NACC2: variants seen among roughly 807,000 people sequenced by gnomAD.
The protein encoded by NACC2 is nucleus accumbens-associated protein 2.
Under a neutral mutation model 25.1 loss-of-function variants are expected in NACC2, and 8 were observed. That is an observed-to-expected ratio of 0.32 (90% CI 0.19 to 0.57). The LOEUF is 0.57. Among genes scored for constraint, NACC2 ranks in the 20% least tolerant of loss-of-function variants. NACC2 has a pLI of 0.89. For missense variants in NACC2, 644 were observed against 650.2 expected (o/e 0.99, Z 0.10); for synonymous variants, 435 against 294.7 (o/e 1.48, Z -4.88).
intron 2 of NACC2, among the ~76,000 whole-genome samples, chr9:136,045,652 C>T (rs1448288726): frequency 3.3e-5 from 5 of 152,178 alleles, no homozygotes; most frequent in Admixed American, 1.3e-4. Context: ...CTTCCCTCTG[C>T]GAGCTCCATT....
In NACC2 at chr9:136,059,802, C is replaced by T. The variant is rs150369320; in HGVS notation, c.-59-9222G>A. ...CCGTGTGGCCCATGAGCATGTCACCCGGCTTCCCCAGCCCTCTAGTCGGCC... is the reference window on the plus strand; with the variant it reads ...CCGTGTGGCCCATGAGCATGTCACCTGGCTTCCCCAGCCCTCTAGTCGGCC... On this transcript the variant is annotated intron_variant, in intron 1 of 5. Coordinates refer to ENST00000277554, the MANE Select transcript of NACC2 (RefSeq NM_144653.5). 3.8e-3 allele frequency among the ~76,000 whole-genome samples: 584 copies of T among 152,308 alleles called. 3 individuals are homozygous for T. The highest frequency in any genetic ancestry group is 0.013 in the African/African-American group (541 of 41,570).
intron 1 of NACC2, among the ~76,000 whole-genome samples, chr9:136,075,563 C>T (rs972492507): frequency 3.3e-5 from 5 of 152,262 alleles, no homozygotes; most frequent in Admixed American, 6.5e-5. Flanking sequence ...TGCCTGAGGA[C>T]GCATCTTCTT....
At position 136,016,334 on chromosome 9, in the gene NACC2, T is replaced by C; in HGVS notation, c.982A>G (p.Ile328Val). 1.2e-6 allele frequency: 2 copies of C among 1,612,584 alleles called. No homozygotes were observed. The highest frequency in any genetic ancestry group is 1.7e-6 in the Non-Finnish European group (2 of 1,179,996). The change falls in exon 3 of 6, where the codon ATC becomes GTC. Residue 328 changes from isoleucine (I) to valine (V), a missense_variant. Transcript: ENST00000277554. ...AGCTTGGGATGGCAGCGGTATCCGA[T>C]CTGGCTGATGAGGCTGGCAGGTAGG... ...VALPASLISQ[I>V]GYRCHPKLYS...
At chr9:136,077,147 C>A (rs1830271631) in intron 1 of NACC2, among the ~76,000 whole-genome samples, 1 of 150,704 alleles carries the variant, frequency 6.6e-6, no homozygotes, top group Non-Finnish European at 1.5e-5. Context: ...CCACTACACT[C>A]CAGCCTGGGT....
rs565265483 is a variant in NACC2 at position 136,013,356 on chromosome 9, G to A, written c.1158-60C>T. On this transcript the variant is annotated intron_variant, in intron 4 of 5. Coordinates refer to ENST00000277554, the MANE Select transcript of NACC2 (RefSeq NM_144653.5). This position sits in a 1 kb window ranked among gnomAD's most constrained non-coding sequence, Gnocchi z 6.6. ...GATGATGGGGAGGGTACCTGGAGGC[G>A]ACCCGCCCGCACGAATGCCCTGCTG... 23 of 1,502,790 alleles carry A rather than the reference G, an allele frequency of 1.5e-5. No homozygotes were observed. Among genetic ancestry groups the A allele is most frequent in the South Asian group, 3.5e-5 (3 of 85,844 alleles). The allele number at this position is 1,502,790 out of a possible 1,614,324, so 93.1% of individuals were successfully genotyped here.
At chr9:136,093,465 T>A (rs1412600607) in intron 1 of NACC2, among the ~76,000 whole-genome samples, 1 of 152,002 alleles carries the variant, frequency 6.6e-6, no homozygotes, top group Non-Finnish European at 1.5e-5. Flanking sequence ...CAGCAGGAGA[T>A]CTCCCGGGTG....
intron 2 of NACC2, 113 bp from the exon 3 acceptor site, chr9:136,016,542 A>C: frequency 7.6e-7 from 1 of 1,318,006 alleles, no homozygotes; most frequent in Admixed American, 2.1e-5. Flanking sequence ...CACTCTGCCC[A>C]CCTGGGCCCA....
intron 1 of NACC2, among the ~76,000 whole-genome samples, chr9:136,090,027 T>C (rs1020941602): frequency 4.0e-5 from 6 of 151,400 alleles, no homozygotes; most frequent in African/African-American, 1.2e-4. Context: ...AAAGTATCAA[T>C]ATACAAAATT....
intron 2 of NACC2, among the ~76,000 whole-genome samples, chr9:136,035,389 G>C (rs910114769): frequency 2.0e-5 from 3 of 151,872 alleles, no homozygotes; most frequent in Non-Finnish European, 1.5e-5. Context: ...CCTGACCCCA[G>C]TCCTGAGGAG....
intron 1 of NACC2, among the ~76,000 whole-genome samples, chr9:136,094,730 G>A (rs1283807406): frequency 1.3e-5 from 2 of 151,544 alleles, no homozygotes; most frequent in African/African-American, 4.8e-5. Flanking sequence ...CAGATGCGCC[G>A]GGAGGGGTGG....
intron 2 of NACC2, among the ~76,000 whole-genome samples, chr9:136,033,652 A>G (rs1333622651): frequency 6.6e-6 from 1 of 150,980 alleles, no homozygotes; most frequent in African/African-American, 2.4e-5. Context: ...CTGTCTCAAA[A>G]AAAAAAAAAA....
chr9:136,074,225 C>T (rs1165970148), intron 1 of NACC2, among the ~76,000 whole-genome samples: 1 of 149,158 alleles, frequency 6.7e-6, no homozygotes, highest in Admixed American at 6.7e-5. Context: ...CCGAGGAGGG[C>T]AGATCACGAG....
intron 1 of NACC2, among the ~76,000 whole-genome samples, chr9:136,071,263 G>T (rs1167426072): frequency 6.6e-6 from 1 of 150,606 alleles, no homozygotes; most frequent in Non-Finnish European, 1.5e-5. Context: ...AATTTAAAAA[G>T]GCTGGGCGCG....
rs181177597 is a variant in NACC2, at chr9:136,079,366, G to A, written c.-60+15823C>T. ...GCCATCCTCTGGCTTCCAGGCAGGA[G>A]ACACTCCTACAAGCACAGGATGCCA... On this transcript the variant is annotated intron_variant, in intron 1 of 5. Transcript: ENST00000277554. Among the ~76,000 whole-genome samples the A allele has an allele frequency of 4.7e-4, 71 of 152,324 alleles. 1 individual carries two copies. Among genetic ancestry groups the A allele is most frequent in the Non-Finnish European group, 9.9e-4 (67 of 68,018 alleles).
intron 2 of NACC2, among the ~76,000 whole-genome samples, chr9:136,021,595 C>T (rs1348198917): frequency 1.3e-5 from 2 of 152,204 alleles, no homozygotes; most frequent in Admixed American, 6.5e-5. Flanking sequence ...AGCAATTATA[C>T]TTCTAGGTAT....
At chr9:136,048,817 G>A (rs1393749820) in intron 2 of NACC2, among the ~76,000 whole-genome samples, 1 of 152,210 alleles carries the variant, frequency 6.6e-6, no homozygotes, top group African/African-American at 2.4e-5. Context: ...GTCCCATCAG[G>A]GCACAGGGAT....
At chr9:136,089,500 T>TG (rs756668265) in intron 1 of NACC2, among the ~76,000 whole-genome samples, 19 of 151,872 alleles carry the variant, frequency 1.3e-4, no homozygotes, top group Non-Finnish European at 2.2e-4. Flanking sequence ...CCCCACCTGG[T>TG]GGGGGGCTCC....
intron 1 of NACC2, among the ~76,000 whole-genome samples, chr9:136,070,666 C>T (rs1320232466): frequency 2.8e-5 from 1 of 35,774 alleles, no homozygotes; most frequent in Non-Finnish European, 8.6e-5. Flanking sequence ...CTCAAGGAAT[C>T]AGAAAAAAAA....
At chr9:136,050,787 G>A (rs1370757300) in intron 1 of NACC2, among the ~76,000 whole-genome samples, 1 of 152,174 alleles carries the variant, frequency 6.6e-6, no homozygotes, top group Non-Finnish European at 1.5e-5. Flanking sequence ...AGAGGGCCCG[G>A]CCAGCACTGC....
Sources: allele counts gnomAD v4.1 joint callset (sites outside exome capture counted in the v4.1 genomes callset), GRCh38; gene constraint gnomAD v4.1.1; non-coding constraint Gnocchi (gnomAD v3.1); transcripts MANE v1.5; gene names NCBI Gene and HGNC (gene_info 2026-07-23, HGNC 2026-07-21).